TBC1D14: variants seen among roughly 807,000 people sequenced by gnomAD.
TBC1D14 encodes the protein TBC1 domain family member 14.
Under a neutral mutation model 79.0 loss-of-function variants are expected in TBC1D14, and 26 were observed. The ratio of observed to expected loss-of-function variants is 0.33; its 90% CI spans 0.24 to 0.46. The LOEUF (loss-of-function observed/expected upper bound fraction) is 0.46. Ranked by LOEUF, TBC1D14 falls within the 20% of genes least tolerant of loss-of-function variation. TBC1D14 has a pLI of 1.00. For synonymous variants in TBC1D14, 394 were observed against 349.9 expected, an observed-to-expected ratio of 1.13 and a Z score of -1.40; for missense variants, 769 against 887.6, an observed-to-expected ratio of 0.87 and a Z score of 1.70.
intron 2 of TBC1D14, among the ~76,000 whole-genome samples, chr4:6,932,376 TA>T (rs34196506): frequency 0.56 from 80,122 of 143,828 alleles, 22,076 homozygotes; most frequent in East Asian, 0.67. Flanking sequence ...GTCTGGAAAT[TA>T]AAAAAAAAAA....
At chr4:6,986,521 G>A (rs959002776) in intron 3 of TBC1D14, among the ~76,000 whole-genome samples, 1 of 152,126 alleles carries the variant, frequency 6.6e-6, no homozygotes, top group Non-Finnish European at 1.5e-5. Flanking sequence ...CCTGTCTGCC[G>A]GCGATTTGGT....
intron 1 of TBC1D14, among the ~76,000 whole-genome samples, chr4:6,917,832 T>C (rs1723524989): frequency 6.6e-6 from 1 of 152,200 alleles, no homozygotes; most frequent in Admixed American, 6.5e-5. Flanking sequence ...TAAAGGGTAT[T>C]ATCACGCGGT....
At chr4:7,015,652 C>A (rs911164099) in intron 12 of TBC1D14, among the ~76,000 whole-genome samples, 7 of 152,070 alleles carry the variant, frequency 4.6e-5, no homozygotes, top group Non-Finnish European at 8.8e-5. Flanking sequence ...GGCTGGGAGA[C>A]CTGTGTGTGG....
At chr4:6,953,473 T>C (rs77412390) in intron 2 of TBC1D14, among the ~76,000 whole-genome samples, 55,153 of 108,000 alleles carry the variant, frequency 0.51, 12,329 homozygotes, top group East Asian at 0.7. Flanking sequence ...AAAAAAAAAA[T>C]ACAAAAAATT....
intron 12 of TBC1D14, among the ~76,000 whole-genome samples, chr4:7,022,994 G>A (rs1308835789): frequency 1.3e-5 from 2 of 152,118 alleles, no homozygotes; most frequent in African/African-American, 2.4e-5. Context: ...GGTGGCTCAC[G>A]CCTGTAATCC....
At chr4:6,952,103 A>G (rs1287480789) in intron 2 of TBC1D14, among the ~76,000 whole-genome samples, 2 of 152,172 alleles carry the variant, frequency 1.3e-5, no homozygotes, top group Non-Finnish European at 2.9e-5. Flanking sequence ...CTCCCTGGGT[A>G]GTGGGAACCG....
At chr4:6,917,878 C>T (rs1354773465) in intron 1 of TBC1D14, among the ~76,000 whole-genome samples, 3 of 152,148 alleles carry the variant, frequency 2.0e-5, no homozygotes, top group Non-Finnish European at 4.4e-5. Flanking sequence ...CCTAGTGGCA[C>T]GAGGCGGAAG....
intron 3 of TBC1D14, chr4:6,987,314 C>T (rs1469377902): frequency 7.2e-7 from 1 of 1,397,650 alleles, no homozygotes; most frequent in South Asian, 1.5e-5. Context: ...GGCATGGAGC[C>T]TCCGGCCGCG....
At chr4:6,993,549 A>G (rs1718718920) in intron 3 of TBC1D14, among the ~76,000 whole-genome samples, 2 of 152,212 alleles carry the variant, frequency 1.3e-5, no homozygotes, top group Non-Finnish European at 2.9e-5. Context: ...TACAGTGTCC[A>G]GAAGAGAGAA....
intron 13 of TBC1D14, among the ~76,000 whole-genome samples, chr4:7,028,113 ACAC>A (rs1264214443): frequency 3.5e-5 from 5 of 141,496 alleles, no homozygotes; most frequent in Middle Eastern, 4.2e-3. Context: ...AGCCCCACAC[ACAC>A]GTCACCCCAC....
intron 3 of TBC1D14, among the ~76,000 whole-genome samples, chr4:6,979,987 G>A (rs1246981215): frequency 6.6e-6 from 1 of 152,170 alleles, no homozygotes; most frequent in Admixed American, 6.5e-5. Context: ...TCACTAAACA[G>A]TAAGTGATAG....
chr4:6,979,116 G>A (rs1717122830), intron 3 of TBC1D14, among the ~76,000 whole-genome samples: 1 of 151,282 alleles, frequency 6.6e-6, no homozygotes. Context: ...ACAAAGAGAT[G>A]GCAAAAAACA....
intron 3 of TBC1D14, among the ~76,000 whole-genome samples, chr4:6,988,214 G>T (rs1398390555): frequency 6.6e-6 from 1 of 152,230 alleles, no homozygotes; most frequent in Non-Finnish European, 1.5e-5. Flanking sequence ...GAGACCAGCC[G>T]CGGTGTTGCG....
At chr4:7,020,747 C>T (rs867066061) in intron 12 of TBC1D14, among the ~76,000 whole-genome samples, 1 of 152,178 alleles carries the variant, frequency 6.6e-6, no homozygotes, top group African/African-American at 2.4e-5. Context: ...TCTTTCCAGT[C>T]TGGAGTGCAG....
At chr4:6,933,508 G>A (rs1023066940) in intron 2 of TBC1D14, among the ~76,000 whole-genome samples, 1 of 151,810 alleles carries the variant, frequency 6.6e-6, no homozygotes, top group East Asian at 1.9e-4. Flanking sequence ...GTCTCACTTT[G>A]TTGCCCAGGC....
rs187319901 is a variant in TBC1D14 at position 6,923,195 on chromosome 4, C to G, written c.-17-178C>G. 5.8e-3 allele frequency among the ~76,000 whole-genome samples: 878 copies of G among 152,310 alleles called. 6 individuals carry two copies. The highest frequency in any genetic ancestry group is 0.02 in the African/African-American group (847 of 41,570). ...CCAGCCTGGGCGACAGAGCGAGAGT[C>G]TGTGTCAAAAAACAAAAACCACTTC... On this transcript the variant is annotated intron_variant, in intron 1 of 13. Transcript: ENST00000409757.
intron 11 of TBC1D14, among the ~76,000 whole-genome samples, chr4:7,011,459 G>T (rs1720764307): frequency 6.6e-6 from 1 of 152,178 alleles, no homozygotes; most frequent in East Asian, 1.9e-4. Context: ...GAGGAGCTGA[G>T]ATTTGAATCC....
intron 2 of TBC1D14, among the ~76,000 whole-genome samples, chr4:6,959,824 G>A (rs776055271): frequency 2.0e-5 from 3 of 152,144 alleles, no homozygotes; most frequent in African/African-American, 7.2e-5. Context: ...GGAGTGGCCC[G>A]ATCTTGCCAA....
chr4:6,941,159 G>T (rs1207560784), intron 2 of TBC1D14, among the ~76,000 whole-genome samples: 1 of 148,088 alleles, frequency 6.8e-6, no homozygotes, highest in East Asian at 2.0e-4. Context: ...TGGGAAACTT[G>T]CCTGTATCTG....
Sources: allele counts gnomAD v4.1 joint callset (sites outside exome capture counted in the v4.1 genomes callset), GRCh38; gene constraint gnomAD v4.1.1; transcripts MANE v1.5; gene names NCBI Gene and HGNC (gene_info 2026-07-23, HGNC 2026-07-21).